Variants in ZSWIM6 observed in about 807,000 individuals in gnomAD.
ZSWIM6 encodes zinc finger SWIM domain-containing protein 6.
In ZSWIM6, 9 loss-of-function variants were observed where a neutral mutation model predicts 113.2. That is an observed-to-expected ratio of 0.08 (90% CI 0.05 to 0.14). ZSWIM6 has a LOEUF of 0.14. ZSWIM6 is among the 10% of genes least tolerant of loss of function. The pLI, the probability that ZSWIM6 is intolerant of heterozygous loss-of-function variation, is 1.00. For missense variants in ZSWIM6, 1,162 were observed against 1,552.2 expected (o/e 0.75, Z 4.22); for synonymous variants, 611 against 606.5 (o/e 1.01, Z -0.11).
At position 61,332,837 on chromosome 5, in the gene ZSWIM6, C is replaced by T; in HGVS notation, c.565C>T (p.Pro189Ser). The T allele has an allele frequency of 9.7e-7, 1 of 1,026,550 alleles. No homozygotes were observed. Among genetic ancestry groups the T allele is most frequent in the Non-Finnish European group, 1.2e-6 (1 of 855,816 alleles). The allele number at this position is 1,026,550 out of a possible 1,614,324, so 63.6% of individuals were successfully genotyped here. A position where few individuals can be genotyped will look rare whatever the true frequency, so the allele number is the denominator to read the frequency against. ...AAAAAAGAGA[P>S]SVGAAGAADG... The stretch of plus-strand genomic sequence containing the variant: ...CGCCGCCGCCGCGGGGGCCGGGGCC[C>T]CGTCGGTGGGGGCTGCCGGGGCGGC... The change falls in exon 1 of 14, where the codon CCG (proline) becomes TCG (serine). Residue 189 changes from proline to serine, a missense_variant. This residue lies in a region of ZSWIM6 where 333 missense variants were observed against 293.4 expected (regional missense o/e 1.13). Transcript: ENST00000252744.
At chr5:61,382,698 G>A (rs1025775897) in intron 1 of ZSWIM6, among the ~76,000 whole-genome samples, 16 of 152,140 alleles carry the variant, frequency 1.1e-4, no homozygotes, top group East Asian at 3.9e-4. Context: ...CCAGCTACTC[G>A]GAAGGCTGAG....
intron 1 of ZSWIM6, among the ~76,000 whole-genome samples, chr5:61,360,834 C>G (rs1208621498): frequency 6.6e-6 from 1 of 152,118 alleles, no homozygotes; most frequent in Non-Finnish European, 1.5e-5. Flanking sequence ...GGAATTACAA[C>G]TTTGACTTCT....
chr5:61,363,995 C>T (rs1384127209), intron 1 of ZSWIM6, among the ~76,000 whole-genome samples: 1 of 137,268 alleles, frequency 7.3e-6, no homozygotes, highest in Non-Finnish European at 1.6e-5. Flanking sequence ...CCTCCCTTTC[C>T]TTCTTTCTTT....
At chr5:61,340,158 A>G (rs1554029194) in intron 1 of ZSWIM6, among the ~76,000 whole-genome samples, 1 of 152,096 alleles carries the variant, frequency 6.6e-6, no homozygotes, top group Non-Finnish European at 1.5e-5. Flanking sequence ...TTTTTCATCT[A>G]GAAAAGATCC....
intron 4 of ZSWIM6, among the ~76,000 whole-genome samples, chr5:61,508,992 A>C (rs1055434940): frequency 1.3e-5 from 2 of 152,172 alleles, no homozygotes; most frequent in African/African-American, 4.8e-5. Flanking sequence ...TAACAAGAAC[A>C]GTGGTTATAA....
chr5:61,521,316 G>A lies in ZSWIM6; in HGVS notation c.1387G>A (p.Ala463Thr), dbSNP rs1424005539. 5 of 1,519,850 alleles carry A rather than the reference G, an allele frequency of 3.3e-6. No individual in the cohort carries two copies. The highest frequency in any genetic ancestry group is 4.4e-6 in the Non-Finnish European group (5 of 1,132,124). The allele number at this position is 1,519,850 out of a possible 1,614,324, so 94.1% of individuals were successfully genotyped here. The change falls in exon 5 of 14, where the codon GCC (alanine) becomes ACC (threonine). Residue 463 changes from alanine (A) to threonine (T), a missense_variant. By Grantham distance (58) the Ala-to-Thr change is moderately conservative. Around this residue, in one of 4 missense-constraint regions of ZSWIM6, gnomAD observed 620 missense variants for 804.6 expected, o/e 0.77. Coordinates refer to ENST00000252744, the MANE Select transcript of ZSWIM6 (RefSeq NM_020928.2). ...CCCCCACTGCAAGTTGGAGCAAAAGGCCAGTTGGCTAAAACAGCTGAAGAA... is the reference window on the plus strand; with the variant it reads ...CCCCCACTGCAAGTTGGAGCAAAAGACCAGTTGGCTAAAACAGCTGAAGAA... ...LNPHCKLEQK[A>T]SWLKQLKKWN... is the part of the protein sequence containing the mutation.
At chr5:61,391,278 G>A (rs764200550) in intron 1 of ZSWIM6, 7 of 876,948 alleles carry the variant, frequency 8.0e-6, no homozygotes, top group East Asian at 2.4e-5. Flanking sequence ...CAAGCCTCTC[G>A]TGGGCCCAGT....
rs544062143 is a variant in ZSWIM6, at chr5:61,358,565, G to A, written c.676+25617G>A. ...ACAAATGAGTCTGGAACATATAGTCGTCTTATATTTAAAAGTTCTGTGTTT... is the reference window on the plus strand; with the variant it reads ...ACAAATGAGTCTGGAACATATAGTCATCTTATATTTAAAAGTTCTGTGTTT... On this transcript the variant is annotated intron_variant, in intron 1 of 13. Coordinates refer to ENST00000252744, the MANE Select transcript of ZSWIM6 (RefSeq NM_020928.2). Among the ~76,000 whole-genome samples, 14 of 152,252 alleles carry A rather than the reference G, an allele frequency of 9.2e-5. No individual in the cohort carries two copies. The South Asian group carries it at 1.2e-3, about 14-fold the overall frequency.
intron 1 of ZSWIM6, among the ~76,000 whole-genome samples, chr5:61,335,027 C>T (rs1030053213): frequency 6.6e-6 from 1 of 152,176 alleles, no homozygotes; most frequent in Non-Finnish European, 1.5e-5. Context: ...AAAATAAAGC[C>T]AAGGGGCGAT....
At chr5:61,421,841 T>C (rs1746361216) in intron 1 of ZSWIM6, among the ~76,000 whole-genome samples, 2 of 152,228 alleles carry the variant, frequency 1.3e-5, no homozygotes, top group Non-Finnish European at 2.9e-5. Flanking sequence ...TAGTATTCCA[T>C]GGTGTATATG....
chr5:61,356,500 AAAGT>A (rs1200797817), intron 1 of ZSWIM6, among the ~76,000 whole-genome samples: 1 of 151,496 alleles, frequency 6.6e-6, no homozygotes, highest in Non-Finnish European at 1.5e-5. Flanking sequence ...GAAATTATTG[AAAGT>A]AAGGGCAAAA....
chr5:61,483,251 C>T lies in ZSWIM6; in HGVS notation c.1034-7535C>T, dbSNP rs77367177. On this transcript the variant is annotated intron_variant, in intron 2 of 13. Coordinates refer to ENST00000252744, the MANE Select transcript of ZSWIM6 (RefSeq NM_020928.2). ...ATCTCTTCCTCTTCTTATAAAGACA[C>T]CAGTTCCCTCCCATGATAACCCATT... Among the ~76,000 whole-genome samples the T allele has an allele frequency of 6.5e-3, 989 of 152,174 alleles. 4 individuals carry two copies. The highest frequency in any genetic ancestry group is 0.021 in the South Asian group (101 of 4,822).
At chr5:61,500,025 T>A (rs1488699177) in intron 4 of ZSWIM6, among the ~76,000 whole-genome samples, 2 of 151,960 alleles carry the variant, frequency 1.3e-5, no homozygotes, top group Non-Finnish European at 2.9e-5. Context: ...GAGGTCACAG[T>A]AGCAAAGCAG....
At chr5:61,424,590 G>A (rs908135547) in intron 1 of ZSWIM6, among the ~76,000 whole-genome samples, 19 of 152,186 alleles carry the variant, frequency 1.2e-4, no homozygotes, top group Non-Finnish European at 2.8e-4. Context: ...GAACCTCGAA[G>A]AGCAAGCTTC....
At chr5:61,503,092 G>A (rs1748517456) in intron 4 of ZSWIM6, among the ~76,000 whole-genome samples, 1 of 152,302 alleles carries the variant, frequency 6.6e-6, no homozygotes, top group South Asian at 2.1e-4. Context: ...TTGTGAGGCT[G>A]CTTGCAAGCT....
chr5:61,371,368 G>A (rs1745258226), intron 1 of ZSWIM6, among the ~76,000 whole-genome samples: 1 of 152,056 alleles, frequency 6.6e-6, no homozygotes, highest in South Asian at 2.1e-4. Flanking sequence ...TATAAAATTG[G>A]CACTGCATTT....
At chr5:61,509,820 T>C (rs967610205) in intron 4 of ZSWIM6, among the ~76,000 whole-genome samples, 2 of 152,160 alleles carry the variant, frequency 1.3e-5, no homozygotes, top group Non-Finnish European at 2.9e-5. Context: ...TTGTTTAATA[T>C]GTTGTCTTGT....
chr5:61,513,676 A>T (rs1003713432), intron 4 of ZSWIM6, among the ~76,000 whole-genome samples: 6 of 151,894 alleles, frequency 4.0e-5, no homozygotes, highest in Admixed American at 2.0e-4. Flanking sequence ...ATTTTGGTTC[A>T]TTTTTTTACA....
intron 4 of ZSWIM6, among the ~76,000 whole-genome samples, chr5:61,513,666 A>G (rs1748851229): frequency 6.6e-6 from 1 of 151,752 alleles, no homozygotes; most frequent in African/African-American, 2.4e-5. Flanking sequence ...TATAATATGG[A>G]TTTTGGTTCA....
Sources: gnomAD v4.1 joint callset for allele counts (sites outside exome capture counted in the v4.1 genomes callset) on GRCh38, gnomAD v4.1.1 for gene constraint, gnomAD v4.1.1 regional missense constraint, MANE v1.5 for transcripts, NCBI Gene and HGNC (gene_info 2026-07-23, HGNC 2026-07-21) for gene names.